Variants in MCM10 observed in about 807,000 individuals in gnomAD.
The protein encoded by MCM10 is protein MCM10 homolog.
In MCM10, 91 loss-of-function variants were observed where a neutral mutation model predicts 109.9. That is an observed-to-expected ratio of 0.83 (90% confidence interval 0.70 to 0.99). The LOEUF (loss-of-function observed/expected upper bound fraction) is 0.99, where lower values mean the gene tolerates loss of function less well. Ranked by LOEUF, MCM10 falls within the 50% of genes least tolerant of loss-of-function variation. The pLI is 0.00. For missense variants in MCM10, 1,077 were observed against 1,061.2 expected (o/e 1.01, Z -0.21); for synonymous variants, 380 against 387.2 (o/e 0.98, Z 0.22).
intron 14 of MCM10, 148 bp from the exon 15 acceptor site, chr10:13,197,475 A>T: frequency 1.6e-6 from 1 of 626,966 alleles, no homozygotes; most frequent in South Asian, 2.2e-5. Flanking sequence ...TTGTGTTAAT[A>T]ATACTAAGTA....
chr10:13,175,037 A>T (rs1366747694), intron 5 of MCM10, among the ~76,000 whole-genome samples: 1 of 152,064 alleles, frequency 6.6e-6, no homozygotes, highest in African/African-American at 2.4e-5. Flanking sequence ...CTGAGGCAGG[A>T]GAATTGCTTG....
In MCM10 at chr10:13,209,410, G is replaced by A. The variant is rs533522769; in HGVS notation, c.*100G>A. 5.9e-5 allele frequency: 55 copies of A among 930,016 alleles called. No individual in the cohort carries two copies. Among genetic ancestry groups the A allele is most frequent in the South Asian group, 2.4e-4 (16 of 65,594 alleles). The allele number at this position is 930,016 out of a possible 1,614,324, so 57.6% of individuals were successfully genotyped here. On this transcript the variant is annotated 3_prime_UTR_variant, in exon 20 of 20. Transcript: ENST00000378714. ...TGTCCATTGATTCCTGATTGACGCC[G>A]TCAAAAACAAATGCTTGTTAAGCCC...
chr10:13,196,831 T>C (rs1269083456), intron 14 of MCM10, among the ~76,000 whole-genome samples: 1 of 152,048 alleles, frequency 6.6e-6, no homozygotes, highest in Admixed American at 6.6e-5. Context: ...ATTTGCTATG[T>C]AAAGATTCAT....
intron 6 of MCM10, 81 bp from the exon 7 acceptor site, chr10:13,180,361 A>C: frequency 4.6e-6 from 6 of 1,290,698 alleles, no homozygotes; most frequent in Non-Finnish European, 6.4e-6. Flanking sequence ...TCTGACCATC[A>C]CACTCCCTTA....
At chr10:13,181,540 G>C (rs533652099) in intron 7 of MCM10, among the ~76,000 whole-genome samples, 15 of 152,206 alleles carry the variant, frequency 9.9e-5, no homozygotes, top group Middle Eastern at 3.4e-3. Context: ...GGGCAGGGAG[G>C]GGGAGAGCAT....
chr10:13,203,266 C>T (rs192124865), intron 17 of MCM10, among the ~76,000 whole-genome samples: 21 of 152,258 alleles, frequency 1.4e-4, no homozygotes, highest in Admixed American at 3.9e-4. Context: ...TCTCCTGGCC[C>T]AGCTTCTGAG....
intron 17 of MCM10, among the ~76,000 whole-genome samples, chr10:13,203,578 A>G (rs926162721): frequency 2.6e-5 from 4 of 151,948 alleles, no homozygotes; most frequent in African/African-American, 9.7e-5. Flanking sequence ...GCACTTTCTG[A>G]GGTTGTCCAA....
rs956122262 is a variant in MCM10, at chr10:13,209,222, T to C, written c.2542-5T>C. ...TCTCCTATTAAAATATTTTCATTTTTCTAGGAAAAGACTGGTCCAAAGATA... is the reference window on the plus strand; with the variant it reads ...TCTCCTATTAAAATATTTTCATTTTCCTAGGAAAAGACTGGTCCAAAGATA... On this transcript the variant is annotated splice_polypyrimidine_tract_variant and splice_region_variant and intron_variant, in intron 19 of 19. Transcript: ENST00000378714. 2.5e-6 allele frequency: 4 copies of C among 1,612,126 alleles called. No individual in the cohort carries two copies. The highest frequency in any genetic ancestry group is 2.5e-6 in the Non-Finnish European group (3 of 1,178,168).
intron 2 of MCM10, among the ~76,000 whole-genome samples, chr10:13,164,677 A>T (rs1833971247): frequency 6.6e-6 from 1 of 152,230 alleles, no homozygotes. Context: ...TATTAATATC[A>T]TCCTTTCTAA....
chr10:13,187,114 T>C lies in MCM10; in HGVS notation c.1215+834T>C, dbSNP rs944115971. Among the ~76,000 whole-genome samples the C allele has an allele frequency of 2.6e-5, 4 of 152,182 alleles. No individual in the cohort carries two copies. The South Asian group carries it at 8.3e-4, about 32-fold the overall frequency. On this transcript the variant is annotated intron_variant, in intron 9 of 19. Transcript: ENST00000378714. ...TTCATTGCCCCAGAAAGAAACCCAG[T>C]ACCCACTAGCAATCACTCCCCAGTC...
chr10:13,168,047 C>A (rs1028786922), intron 2 of MCM10, among the ~76,000 whole-genome samples: 1 of 152,168 alleles, frequency 6.6e-6, no homozygotes, highest in Non-Finnish European at 1.5e-5. Context: ...CCCTCGTTCT[C>A]TTGTGAAGGG....
rs924998750 is a variant in MCM10, at chr10:13,210,299, C to T, written c.*989C>T. 9 of 142,336 alleles carry T rather than the reference C, an allele frequency of 6.3e-5. No individual in the cohort carries two copies. The highest frequency in any genetic ancestry group is 2.1e-4 in the African/African-American group (8 of 37,878). The allele number at this position is 142,336 out of a possible 1,614,324, so 8.8% of individuals were successfully genotyped here. A position where few individuals can be genotyped will look rare whatever the true frequency, so the allele number is the denominator to read the frequency against. ...CAAACTCCTGAGCACTAGCAATCCA[C>T]CCACCTCTGTTTCCAAAAAAAAAAA... On this transcript the variant is annotated 3_prime_UTR_variant, in exon 20 of 20. Coordinates refer to ENST00000378714, the MANE Select transcript of MCM10 (RefSeq NM_018518.5).
chr10:13,187,192 T>C (rs936839348), intron 9 of MCM10, among the ~76,000 whole-genome samples: 2 of 152,192 alleles, frequency 1.3e-5, no homozygotes, highest in Non-Finnish European at 2.9e-5. Context: ...CTCTATGGAT[T>C]TGCCTCTTCT....
rs554991710 is a variant in MCM10, at chr10:13,169,713, T to C, written c.8-1209T>C. 1.2e-4 allele frequency among the ~76,000 whole-genome samples: 18 copies of C among 152,330 alleles called. No homozygotes were observed. The South Asian group carries it at 3.7e-3, about 32-fold the overall frequency. Reference sequence around the variant, plus strand: ...GAAACTAGAACTATATGGGGTTTTTTGTTTGTTTTTGAGATGGAGTCTCGC... The same window carrying C: ...GAAACTAGAACTATATGGGGTTTTTCGTTTGTTTTTGAGATGGAGTCTCGC... On this transcript the variant is annotated intron_variant, in intron 2 of 19. Coordinates refer to ENST00000378714, the MANE Select transcript of MCM10 (RefSeq NM_018518.5).
chr10:13,163,062 G>T lies in MCM10; in HGVS notation c.-75-1066G>T, dbSNP rs531249628. Reference sequence around the variant, plus strand: ...CCATTGCACTCCAGCCTGGGTGACAGAGACTCCGTCTCAAAAAAAAAAAAA... The same window carrying T: ...CCATTGCACTCCAGCCTGGGTGACATAGACTCCGTCTCAAAAAAAAAAAAA... On this transcript the variant is annotated intron_variant, in intron 1 of 19. Coordinates refer to ENST00000378714, the MANE Select transcript of MCM10 (RefSeq NM_018518.5). 4.6e-4 allele frequency among the ~76,000 whole-genome samples: 70 copies of T among 150,572 alleles called. 1 individual carries two copies. In the South Asian group the frequency reaches 0.014, roughly 31 times the overall value.
In MCM10 at chr10:13,180,613, C is replaced by T. The variant is rs1376444159; in HGVS notation, c.930+6C>T. On this transcript the variant is annotated splice_donor_region_variant and intron_variant, in intron 7 of 19. Coordinates refer to ENST00000378714, the MANE Select transcript of MCM10 (RefSeq NM_018518.5). Reference sequence around the variant, plus strand: ...CGCCACAGAGTGTGAATAGTGTAAGCCATTGTATTGGTTTCTTAGCTGTTT... The same window carrying T: ...CGCCACAGAGTGTGAATAGTGTAAGTCATTGTATTGGTTTCTTAGCTGTTT... 1.9e-6 allele frequency: 3 copies of T among 1,613,310 alleles called. No homozygotes were observed. The highest frequency in any genetic ancestry group is 2.5e-6 in the Non-Finnish European group (3 of 1,179,874).
intron 1 of MCM10, among the ~76,000 whole-genome samples, chr10:13,163,351 A>T (rs1833952909): frequency 6.6e-6 from 1 of 152,222 alleles, no homozygotes; most frequent in African/African-American, 2.4e-5. Context: ...AAGAAAAGAA[A>T]GTACCATAAT....
chr10:13,209,050 C>G (rs1237730176), intron 18 of MCM10, 41 bp from the exon 19 acceptor site: 1 of 1,513,926 alleles, frequency 6.6e-7, no homozygotes. Flanking sequence ...ATGAGTGGGC[C>G]TACACCACCC....
intron 5 of MCM10, among the ~76,000 whole-genome samples, chr10:13,175,012 C>T (rs550189594): frequency 1.3e-5 from 2 of 152,174 alleles, no homozygotes; most frequent in Admixed American, 1.3e-4. Flanking sequence ...CCTGTAATCC[C>T]AGCTACTTGG....
Sources: gnomAD v4.1 joint callset for allele counts (sites outside exome capture counted in the v4.1 genomes callset) on GRCh38, gnomAD v4.1.1 for gene constraint, MANE v1.5 for transcripts, NCBI Gene and HGNC (gene_info 2026-07-23, HGNC 2026-07-21) for gene names.